The following LYPD6B variants were observed in gnomAD, a reference collection of about 807,000 sequenced individuals.
The protein encoded by LYPD6B is ly6/PLAUR domain-containing protein 6B.
In LYPD6B, 17 loss-of-function variants were observed where a neutral mutation model predicts 22.8. The observed-to-expected ratio is 0.75, with a 90% CI of 0.51 to 1.12. LYPD6B has a LOEUF of 1.12. Ranked by LOEUF, LYPD6B falls within the 50% of genes most tolerant of loss-of-function variation. LYPD6B has a pLI of 0.00. For synonymous variants in LYPD6B, 106 were observed against 91.6 expected (o/e 1.16, Z -0.90); for missense variants, 221 against 258.3 (o/e 0.86, Z 0.99).
At chr2:149,174,397 C>A (rs1477232643) in intron 3 of LYPD6B, among the ~76,000 whole-genome samples, 1 of 152,132 alleles carries the variant, frequency 6.6e-6, no homozygotes, top group South Asian at 2.1e-4. Context: ...CCTGATTGCC[C>A]TGGCCAGAAC....
intron 1 of LYPD6B, among the ~76,000 whole-genome samples, chr2:149,120,377 ATATATATT>A (rs1436064890): frequency 2.3e-5 from 1 of 43,146 alleles, no homozygotes; most frequent in Non-Finnish European, 3.7e-5. Flanking sequence ...ATATATATAT[ATATATATT>A]TTTTTTTTTT....
Position 149,039,099 on chromosome 2 carries a change from G to A in LYPD6B, c.-67+298G>A, listed in dbSNP as rs956685993. Among the ~76,000 whole-genome samples the A allele has an allele frequency of 2.6e-5, 4 of 152,134 alleles. No homozygotes were observed. In the East Asian group the frequency reaches 5.8e-4, roughly 22 times the overall value. On this transcript the variant is annotated intron_variant, in intron 1 of 6. Coordinates refer to ENST00000409642, the MANE Select transcript of LYPD6B (RefSeq NM_177964.5). ...CGGTGTGGGTCTCTAATCGTCCAGA[G>A]CCCTGCGGGGCCAGTGACTTCGGCA...
intron 3 of LYPD6B, among the ~76,000 whole-genome samples, chr2:149,167,038 C>T (rs546452959): frequency 1.3e-5 from 2 of 152,026 alleles, no homozygotes; most frequent in African/African-American, 2.4e-5. Flanking sequence ...GTTTATAATC[C>T]TCTTCTGCAT....
At chr2:149,164,846 T>C (rs1229868966) in intron 3 of LYPD6B, among the ~76,000 whole-genome samples, 5 of 152,208 alleles carry the variant, frequency 3.3e-5, no homozygotes, top group Admixed American at 3.3e-4. Flanking sequence ...TGAAATACTA[T>C]TGATAATAAA....
At chr2:149,196,223 T>C (rs1692801246) in intron 3 of LYPD6B, among the ~76,000 whole-genome samples, 1 of 152,230 alleles carries the variant, frequency 6.6e-6, no homozygotes, top group South Asian at 2.1e-4. Flanking sequence ...CTTTGTTATA[T>C]ATTCAGAATG....
chr2:149,106,982 C>T (rs976221820), intron 1 of LYPD6B, among the ~76,000 whole-genome samples: 24 of 151,938 alleles, frequency 1.6e-4, no homozygotes, highest in African/African-American at 5.6e-4. Flanking sequence ...ATGGATAGTG[C>T]GGAACCCTAT....
intron 1 of LYPD6B, among the ~76,000 whole-genome samples, chr2:149,078,023 T>A (rs1023372213): frequency 6.6e-6 from 1 of 152,196 alleles, no homozygotes; most frequent in Non-Finnish European, 1.5e-5. Flanking sequence ...TTGCTCAGAA[T>A]CTTAGGATTC....
At chr2:149,206,475 G>C (rs1243129938) in intron 4 of LYPD6B, among the ~76,000 whole-genome samples, 1 of 151,814 alleles carries the variant, frequency 6.6e-6, no homozygotes, top group Non-Finnish European at 1.5e-5. Context: ...TTTCTAAATT[G>C]GTAATAATTG....
intron 1 of LYPD6B, among the ~76,000 whole-genome samples, chr2:149,050,029 AC>A (rs1307487697): frequency 6.6e-6 from 1 of 152,186 alleles, no homozygotes; most frequent in Non-Finnish European, 1.5e-5. Context: ...CACAGAAGGT[AC>A]TAGACTCAAC....
At chr2:149,187,535 A>T (rs1692197996) in intron 3 of LYPD6B, 2 of 1,465,746 alleles carry the variant, frequency 1.4e-6, no homozygotes, top group Non-Finnish European at 1.8e-6. Flanking sequence ...CCCTGCGAGC[A>T]GGATCTCAGG....
chr2:149,064,301 G>A (rs1037892593), intron 1 of LYPD6B, among the ~76,000 whole-genome samples: 4 of 152,116 alleles, frequency 2.6e-5, no homozygotes, highest in Non-Finnish European at 5.9e-5. Context: ...TTATGGTTAT[G>A]GACACTCCCT....
intron 1 of LYPD6B, among the ~76,000 whole-genome samples, chr2:149,054,541 G>A (rs976244880): frequency 1.3e-5 from 2 of 152,066 alleles, no homozygotes; most frequent in East Asian, 1.9e-4. Context: ...CATTCTGTAA[G>A]CTGTCTTTTC....
At chr2:149,128,784 A>G (rs1448853898) in intron 1 of LYPD6B, among the ~76,000 whole-genome samples, 1 of 152,256 alleles carries the variant, frequency 6.6e-6, no homozygotes, top group Non-Finnish European at 1.5e-5. Context: ...AATGTTATGC[A>G]TCTGTTCATT....
At chr2:149,086,978 C>G (rs1376831476) in intron 1 of LYPD6B, among the ~76,000 whole-genome samples, 3 of 151,530 alleles carry the variant, frequency 2.0e-5, no homozygotes, top group Admixed American at 6.6e-5. Context: ...CGTTAAAGAC[C>G]CTATCTCCTC....
At chr2:149,200,673 G>C (rs1425716706) in intron 3 of LYPD6B, 2 of 152,290 alleles carry the variant, frequency 1.3e-5, no homozygotes, top group African/African-American at 4.8e-5. Context: ...GCTCAGACTT[G>C]GGAAATAGTC....
At chr2:149,134,580 G>A (rs891922285) in intron 2 of LYPD6B, among the ~76,000 whole-genome samples, 1 of 152,156 alleles carries the variant, frequency 6.6e-6, no homozygotes, top group African/African-American at 2.4e-5. Context: ...ATAAAAGTAG[G>A]TTTGCTTAAG....
chr2:149,185,116 A>G (rs1249503493), intron 3 of LYPD6B, among the ~76,000 whole-genome samples: 1 of 152,178 alleles, frequency 6.6e-6, no homozygotes, highest in Non-Finnish European at 1.5e-5. Context: ...CCTCCTATAC[A>G]CATATTCTTC....
chr2:149,084,086 G>A (rs988406183), intron 1 of LYPD6B, among the ~76,000 whole-genome samples: 8 of 151,326 alleles, frequency 5.3e-5, no homozygotes, highest in South Asian at 4.2e-4. Flanking sequence ...GCGACAGAGC[G>A]AGACTCCATC....
Position 149,208,388 on chromosome 2 carries a change from G to A in LYPD6B, c.304G>A (p.Ala102Thr), listed in dbSNP as rs1211002678. ...GGATAATTATAACTGCAATCGATGG[G>A]CAGAAGACAAATGGTGTCCACAAAG... The part of the protein sequence containing the change: ...AGDNYNCNRW[A>T]EDKWCPQNTQ... The change falls in exon 5 of 7, where the codon GCA (alanine) becomes ACA (threonine). Residue 102 changes from alanine (A) to threonine (T), a missense_variant. By Grantham distance (58) the Ala-to-Thr change is moderately conservative. Coordinates refer to ENST00000409642, the MANE Select transcript of LYPD6B (RefSeq NM_177964.5). The A allele has an allele frequency of 3.1e-6, 5 of 1,613,476 alleles. No individual in the cohort carries two copies. Among genetic ancestry groups the A allele is most frequent in the Non-Finnish European group, 4.2e-6 (5 of 1,179,472 alleles).
Sources: gnomAD v4.1 joint callset for allele counts (sites outside exome capture counted in the v4.1 genomes callset) on GRCh38, gnomAD v4.1.1 for gene constraint, MANE v1.5 for transcripts, NCBI Gene and HGNC (gene_info 2026-07-23, HGNC 2026-07-21) for gene names.